SGCZ: variants seen among roughly 807,000 people sequenced by gnomAD.
SGCZ encodes sarcoglycan zeta.
In SGCZ, 40 loss-of-function variants were observed where a neutral mutation model predicts 41.3. That is an observed-to-expected ratio of 0.97 (90% CI 0.75 to 1.26). The LOEUF is 1.26. Ranked by LOEUF, SGCZ falls within the 50% of genes most tolerant of loss-of-function variation. SGCZ has a pLI of 0.00. For synonymous variants in SGCZ, 206 were observed against 137.5 expected (o/e 1.50, Z -3.49); for missense variants, 552 against 369.8 (o/e 1.49, Z -4.04).
intron 1 of SGCZ, among the ~76,000 whole-genome samples, chr8:14,978,094 T>C (rs943208016): frequency 3.9e-5 from 6 of 152,088 alleles, no homozygotes; most frequent in Non-Finnish European, 7.4e-5. Context: ...CATGTTCTCA[T>C]ATGCTACCTC....
chr8:14,789,026 A>G (rs938826808), intron 1 of SGCZ, among the ~76,000 whole-genome samples: 1 of 152,144 alleles, frequency 6.6e-6, no homozygotes, highest in Non-Finnish European at 1.5e-5. Context: ...TATTTAATAC[A>G]TATTTTTGGA....
At chr8:14,241,650 T>C (rs149285217) in intron 3 of SGCZ, among the ~76,000 whole-genome samples, 9 of 152,162 alleles carry the variant, frequency 5.9e-5, no homozygotes, top group African/African-American at 2.2e-4. Flanking sequence ...TTTCCGAAGC[T>C]GACCCGAACT....
chr8:14,576,771 C>T (rs1412177498), intron 1 of SGCZ, among the ~76,000 whole-genome samples: 1 of 152,124 alleles, frequency 6.6e-6, no homozygotes, highest in Non-Finnish European at 1.5e-5. Flanking sequence ...GTGTTGGAAA[C>T]ATGAGCAGAT....
intron 2 of SGCZ, among the ~76,000 whole-genome samples, chr8:14,478,361 G>A (rs905311806): frequency 4.6e-5 from 7 of 152,102 alleles, no homozygotes; most frequent in Non-Finnish European, 7.4e-5. Context: ...AAAAACAAAT[G>A]ACCAATCAAG....
At chr8:15,187,883 C>T (rs912415723) in intron 1 of SGCZ, among the ~76,000 whole-genome samples, 1 of 151,764 alleles carries the variant, frequency 6.6e-6, no homozygotes, top group Non-Finnish European at 1.5e-5. Context: ...CAAAAATAAA[C>T]TCACCAAATA....
chr8:14,295,436 T>C (rs72603995), intron 3 of SGCZ, among the ~76,000 whole-genome samples: 33,245 of 152,130 alleles, frequency 0.22, 3,842 homozygotes, highest in East Asian at 0.29. Context: ...CAATACAGAG[T>C]ATAATTTACA....
chr8:14,773,863 C>G (rs1800320103), intron 1 of SGCZ, among the ~76,000 whole-genome samples: 1 of 152,168 alleles, frequency 6.6e-6, no homozygotes, highest in South Asian at 2.1e-4. Context: ...AAGTGGTAGA[C>G]CTATGACTGG....
chr8:14,238,255 T>C (rs1013609338), intron 3 of SGCZ, among the ~76,000 whole-genome samples: 6 of 152,192 alleles, frequency 3.9e-5, no homozygotes, highest in Admixed American at 6.5e-5. Context: ...AAAGGAAAGA[T>C]CCAGGGACAG....
chr8:14,760,872 G>A (rs901288837), intron 1 of SGCZ, among the ~76,000 whole-genome samples: 1 of 152,124 alleles, frequency 6.6e-6, no homozygotes, highest in African/African-American at 2.4e-5. Context: ...TTTCATGTGT[G>A]TGAAATATAG....
At chr8:14,612,402 A>G (rs1358985739) in intron 1 of SGCZ, among the ~76,000 whole-genome samples, 1 of 152,112 alleles carries the variant, frequency 6.6e-6, no homozygotes, top group African/African-American at 2.4e-5. Flanking sequence ...TTCTGCCGTG[A>G]TTGTAAGTTT....
chr8:14,849,395 C>CA (rs1032284074), intron 1 of SGCZ, among the ~76,000 whole-genome samples: 1 of 150,624 alleles, frequency 6.6e-6, no homozygotes, highest in Non-Finnish European at 1.5e-5. Context: ...TTCATAGCAG[C>CA]TTTTTTTTTG....
intron 1 of SGCZ, among the ~76,000 whole-genome samples, chr8:14,980,199 A>T (rs752911905): frequency 4.6e-5 from 7 of 152,178 alleles, no homozygotes; most frequent in Non-Finnish European, 8.8e-5. Context: ...ACTAGCTTAA[A>T]ATGAAATGTT....
intron 1 of SGCZ, among the ~76,000 whole-genome samples, chr8:15,039,575 A>G (rs1436211390): frequency 6.6e-6 from 1 of 152,212 alleles, no homozygotes; most frequent in African/African-American, 2.4e-5. Flanking sequence ...GCCAATAACA[A>G]TGTACTACAG....
chr8:15,179,886 A>G (rs1188624376), intron 1 of SGCZ, among the ~76,000 whole-genome samples: 1 of 152,218 alleles, frequency 6.6e-6, no homozygotes, highest in Non-Finnish European at 1.5e-5. Flanking sequence ...GCTAAACTGT[A>G]CCACACAACA....
chr8:14,263,539 A>T (rs1799753651), intron 3 of SGCZ, among the ~76,000 whole-genome samples: 1 of 152,128 alleles, frequency 6.6e-6, no homozygotes, highest in Admixed American at 6.6e-5. Context: ...AGAAAATGAG[A>T]TTCTGTCTCA....
chr8:14,765,459 A>G (rs1800008424), intron 1 of SGCZ, among the ~76,000 whole-genome samples: 1 of 152,118 alleles, frequency 6.6e-6, no homozygotes, highest in East Asian at 1.9e-4. Context: ...CCTGAAACAT[A>G]ATTTAATTCT....
chr8:14,941,627 G>A (rs1161345249), intron 1 of SGCZ, among the ~76,000 whole-genome samples: 1 of 151,828 alleles, frequency 6.6e-6, no homozygotes, highest in Non-Finnish European at 1.5e-5. Flanking sequence ...AATGCTGGAT[G>A]TTAACTCTTT....
intron 2 of SGCZ, among the ~76,000 whole-genome samples, chr8:14,476,855 C>T (rs1801376316): frequency 6.6e-6 from 1 of 152,174 alleles, no homozygotes; most frequent in African/African-American, 2.4e-5. Flanking sequence ...AATCAGTCCC[C>T]AACCTCCTTT....
intron 1 of SGCZ, among the ~76,000 whole-genome samples, chr8:14,656,595 CCTCTCCTCTCCCTCTCCTCTCTCTCTCT>C (rs1235307519): frequency 3.6e-5 from 4 of 111,750 alleles, no homozygotes; most frequent in African/African-American, 1.2e-4. Flanking sequence ...TCTCTTCTCT[CCTCTCCTCTCCCTCTCCTCTCTCTCTCT>C]CTCTCCTCCC....
Sources: allele counts gnomAD v4.1 joint callset (sites outside exome capture counted in the v4.1 genomes callset), GRCh38; gene constraint gnomAD v4.1.1; transcripts MANE v1.5; gene names NCBI Gene and HGNC (gene_info 2026-07-23, HGNC 2026-07-21).